Variants in SPTB observed in about 807,000 individuals in gnomAD.
The protein encoded by SPTB is spectrin beta chain, erythrocytic.
A neutral mutation model predicts 256.2 loss-of-function variants in SPTB; 45 were observed. The ratio of observed to expected loss-of-function variants is 0.18; its 90% confidence interval spans 0.14 to 0.23. The LOEUF is 0.23. Ranked by LOEUF, SPTB falls within the 10% of genes least tolerant of loss-of-function variation. The pLI is 1.00. For missense variants in SPTB, 2,715 were observed against 3,040.4 expected, an observed-to-expected ratio of 0.89 and a Z score of 2.52; for synonymous variants, 1,231 against 1,243.1, an observed-to-expected ratio of 0.99 and a Z score of 0.21.
At chr14:64,877,318 T>A (rs1250029354) in intron 1 of SPTB, among the ~76,000 whole-genome samples, 1 of 152,178 alleles carries the variant, frequency 6.6e-6, no homozygotes, top group Non-Finnish European at 1.5e-5. Flanking sequence ...AGCAGAACTA[T>A]TACCTGAGGT....
At chr14:64,800,281 C>A (rs1013618320) in intron 8 of SPTB, among the ~76,000 whole-genome samples, 17 of 152,296 alleles carry the variant, frequency 1.1e-4, no homozygotes, top group African/African-American at 4.1e-4. Flanking sequence ...CATGAGGAGT[C>A]AAAGGCTGCC....
At chr14:64,871,092 T>C (rs1471415808) in intron 1 of SPTB, among the ~76,000 whole-genome samples, 1 of 152,256 alleles carries the variant, frequency 6.6e-6, no homozygotes, top group African/African-American at 2.4e-5. Context: ...ATGTCACATA[T>C]ATTTGAGCAA....
Position 64,775,112 on chromosome 14 carries a change from T to C in SPTB, c.4842+13A>G, listed in dbSNP as rs770871844. 1 of 1,613,864 alleles carries C rather than the reference T, an allele frequency of 6.2e-7. No homozygotes were observed. The highest frequency in any genetic ancestry group is 8.5e-7 in the Non-Finnish European group (1 of 1,180,022). ...CCTGGGCACCCTGGCTGGTATCCCC[T>C]GCCCGAACAGACCTTGGGGATCTCA... On this transcript the variant is annotated intron_variant, in intron 23 of 35. Coordinates refer to ENST00000644917, the MANE Select transcript of SPTB (RefSeq NM_001355436.2). The surrounding 1 kb of genome is among the most constrained non-coding windows in gnomAD (Gnocchi z 5.0).
rs1171671604 is a variant in SPTB at position 64,852,625 on chromosome 14, T to C, written c.-52+27167A>G. The stretch of plus-strand genomic sequence containing the variant: ...GGAGCAATCAGCTTACAAAACTATG[T>C]AGGATACTGGTAGGTGAGTGGAAAT... On this transcript the variant is annotated intron_variant, in intron 1 of 35. Coordinates refer to ENST00000644917, the MANE Select transcript of SPTB (RefSeq NM_001355436.2). The surrounding 1 kb of genome is among the most constrained non-coding windows in gnomAD (Gnocchi z 4.2). Among the ~76,000 whole-genome samples, 1 of 152,050 alleles carries C rather than the reference T, an allele frequency of 6.6e-6. No individual in the cohort carries two copies. The highest frequency in any genetic ancestry group is 6.5e-5 in the Admixed American group (1 of 15,278).
rs765073910 is a variant in SPTB at position 64,803,772 on chromosome 14, G to A, written c.309C>T (p.Pro103=). 6.2e-7 allele frequency: 1 copy of A among 1,610,910 alleles called. No homozygotes were observed. Among genetic ancestry groups the A allele is most frequent in the South Asian group, 1.1e-5 (1 of 90,686 alleles). ...AGTGGATGCGCATCTTCCCCTTGGT[G>A]GGCTTTGGCTGGGGGACAGCAGTGG... ...EVLSGEMLPK[P]TKGKMRIHCL... The change falls in exon 4 of 36, where the codon CCC becomes CCT. Residue 103 remains proline, a synonymous_variant. Coordinates refer to ENST00000644917, the MANE Select transcript of SPTB (RefSeq NM_001355436.2).
chr14:64,773,290 T>G lies in SPTB; in HGVS notation c.5108A>C (p.Glu1703Ala), dbSNP rs1192288927. The G allele has an allele frequency of 1.2e-6, 2 of 1,614,188 alleles. No homozygotes were observed. Among genetic ancestry groups the G allele is most frequent in the African/African-American group, 2.7e-5 (2 of 75,062 alleles). ...FQLKRETDDLEQWISEKELVA... is the reference protein window; with the variant it reads ...FQLKRETDDLAQWISEKELVA... ...TAGCTCCTTTTCTGAAATCCACTGC[T>G]CCAGGTCGTCGGTCTCCCGCTTGAG... Residue 1703 changes from glutamate (E) to alanine (A), a missense_variant, in exon 25 of 36, where the codon GAG becomes GCG. By Grantham distance (107) the Glu-to-Ala change is moderately radical. This residue lies in a region of SPTB where 2,239 missense variants were observed against 2,384.4 expected (regional missense o/e 0.94). Coordinates refer to ENST00000644917, the MANE Select transcript of SPTB (RefSeq NM_001355436.2).
rs2082760968 is a variant in SPTB, at chr14:64,795,952, C to G, written c.1342-313G>C. On this transcript the variant is annotated intron_variant, in intron 11 of 35. Coordinates refer to ENST00000644917, the MANE Select transcript of SPTB (RefSeq NM_001355436.2). The surrounding 1 kb of genome is among the most constrained non-coding windows in gnomAD (Gnocchi z 6.5). ...CACTCCCCACATGCCTCGAGTGGAC[C>G]TGTTGGATTTGGGGCAGGAAGGGGC... Among the ~76,000 whole-genome samples, 1 of 152,186 alleles carries G rather than the reference C, an allele frequency of 6.6e-6. No individual in the cohort carries two copies. Among genetic ancestry groups the G allele is most frequent in the Non-Finnish European group, 1.5e-5 (1 of 68,020 alleles).
intron 2 of SPTB, among the ~76,000 whole-genome samples, chr14:64,809,844 T>C (rs945902746): frequency 6.6e-6 from 1 of 152,194 alleles, no homozygotes; most frequent in African/African-American, 2.4e-5. Context: ...AAAAGGCTCC[T>C]GAGGCAGGCA....
chr14:64,833,504 A>G (rs2083478576), intron 1 of SPTB, among the ~76,000 whole-genome samples: 1 of 151,500 alleles, frequency 6.6e-6, no homozygotes, highest in Admixed American at 6.6e-5. Flanking sequence ...GTGAGCCAAG[A>G]TTGGGCCTTT....
At chr14:64,788,190 A>G (rs1313910140) in intron 15 of SPTB, among the ~76,000 whole-genome samples, 1 of 152,180 alleles carries the variant, frequency 6.6e-6, no homozygotes, top group African/African-American at 2.4e-5. Context: ...ACCTCCACAC[A>G]ACCCATCACT....
intron 15 of SPTB, among the ~76,000 whole-genome samples, 154 bp downstream of exon 15, chr14:64,791,565 C>CAA (rs563905446): frequency 0.047 from 2,167 of 45,788 alleles, 378 homozygotes; most frequent in African/African-American, 0.14. Context: ...GGTTCTGTGT[C>CAA]AAAAAAAAAA....
Position 64,786,792 on chromosome 14 carries a change from C to T in SPTB, c.3173G>A (p.Gly1058Glu). The change falls in exon 16 of 36, where the codon GGG (glycine) becomes GAG (glutamate). Residue 1058 changes from glycine to glutamate, a missense_variant. Physicochemically the swap from Gly to Glu is moderately conservative, Grantham distance 98. This residue lies in a region of SPTB where 2,239 missense variants were observed against 2,384.4 expected (regional missense o/e 0.94). Coordinates refer to ENST00000644917, the MANE Select transcript of SPTB (RefSeq NM_001355436.2). The surrounding 1 kb of genome is among the most constrained non-coding windows in gnomAD (Gnocchi z 5.6). ...QSLQGQEDLL[G>E]EVSQLQAFLQ... is the part of the protein sequence containing the mutation. ...GAAGGCCTGCAGCTGGCTGACTTCC[C>T]CCAGCAAGTCCTCCTGGCCCTGCAG... 2 of 1,613,996 alleles carry T rather than the reference C, an allele frequency of 1.2e-6. No homozygotes were observed. The highest frequency in any genetic ancestry group is 1.7e-6 in the Non-Finnish European group (2 of 1,180,002).
chr14:64,820,924 T>C (rs904521445), intron 2 of SPTB, among the ~76,000 whole-genome samples: 2 of 152,032 alleles, frequency 1.3e-5, no homozygotes, highest in African/African-American at 4.8e-5. Context: ...GCCATACACT[T>C]ACCTCAGGAT....
At position 64,769,686 on chromosome 14, in the gene SPTB, G is replaced by T. The variant is rs762534144; in HGVS notation, c.5841C>A (p.Gly1947=). 1.2e-6 allele frequency: 2 copies of T among 1,614,204 alleles called. No individual in the cohort carries two copies. Among genetic ancestry groups the T allele is most frequent in the East Asian group, 4.5e-5 (2 of 44,890 alleles). The change falls in exon 28 of 36, where the codon GGC becomes GGA. Residue 1947 remains glycine (G), a synonymous_variant. Transcript: ENST00000644917. ...SVELLMKYHQ[G]INAEIETRSK... is the part of the protein sequence containing the mutation. ...TCCGGGTTTCAATCTCTGCATTGAT[G>T]CCCTGGTGATACTTCATGAGCAGTT...
intron 1 of SPTB, among the ~76,000 whole-genome samples, chr14:64,863,645 C>T (rs1417916914): frequency 6.6e-6 from 1 of 152,234 alleles, no homozygotes. Flanking sequence ...TGCTCCACCG[C>T]TACTTGGTCC....
chr14:64,750,248 T>C lies in SPTB; in HGVS notation c.6603-94A>G, dbSNP rs569119196. ...TTCACCATTAAAAAAAATTACACCA[T>C]GTTTGTTCTGATACATAGTAACATG... On this transcript the variant is annotated intron_variant, in intron 33 of 35. Coordinates refer to ENST00000644917, the MANE Select transcript of SPTB (RefSeq NM_001355436.2). 7 of 1,282,122 alleles carry C rather than the reference T, an allele frequency of 5.5e-6. No homozygotes were observed. In the African/African-American group the frequency reaches 7.4e-5, roughly 14 times the overall value. 79.4% of individuals were successfully genotyped at this position (1,282,122 alleles called of 1,614,324 possible).
In SPTB at chr14:64,778,886, G is replaced by T. The variant is rs1014332005; in HGVS notation, c.4563+271C>A. On this transcript the variant is annotated intron_variant, in intron 22 of 35. Coordinates refer to ENST00000644917, the MANE Select transcript of SPTB (RefSeq NM_001355436.2). This position sits in a 1 kb window ranked among gnomAD's most constrained non-coding sequence, Gnocchi z 5.2. ...CTCCAGGCCAGGCCCCCGAGATCCT[G>T]CATTCACCTGTGCCTGATGGAGGCT... 1.3e-4 allele frequency among the ~76,000 whole-genome samples: 20 copies of T among 152,016 alleles called. No homozygotes were observed.
intron 1 of SPTB, among the ~76,000 whole-genome samples, chr14:64,836,612 C>A (rs1486605636): frequency 1.3e-5 from 2 of 152,128 alleles, no homozygotes; most frequent in East Asian, 1.9e-4. Flanking sequence ...GCACTCCTAA[C>A]CTCCAAGTTG....
chr14:64,858,193 C>T (rs1283604005), intron 1 of SPTB, among the ~76,000 whole-genome samples: 2 of 152,150 alleles, frequency 1.3e-5, no homozygotes, highest in Non-Finnish European at 2.9e-5. Context: ...CAAATGAAGT[C>T]ACCTCACGAG....
Sources: gnomAD v4.1 joint callset for allele counts (sites outside exome capture counted in the v4.1 genomes callset) on GRCh38, gnomAD v4.1.1 for gene constraint, gnomAD v4.1.1 regional missense constraint, Gnocchi (gnomAD v3.1) non-coding constraint, MANE v1.5 for transcripts, NCBI Gene and HGNC (gene_info 2026-07-23, HGNC 2026-07-21) for gene names.